The following GFPT1 variants were observed in gnomAD, a reference collection of about 807,000 sequenced individuals.
GFPT1 encodes glutamine--fructose-6-phosphate aminotransferase [isomerizing] 1.
GFPT1 carries 40 observed loss-of-function variants against 92.0 expected under a neutral mutation model. The observed-to-expected ratio is 0.43, with a 90% CI of 0.34 to 0.57. GFPT1 has a LOEUF of 0.57. Among genes scored for constraint, GFPT1 ranks in the 20% least tolerant of loss-of-function variants. GFPT1 has a pLI of 0.02. For missense variants in GFPT1, 448 were observed against 869.1 expected (o/e 0.52, Z 6.09); for synonymous variants, 269 against 280.6 (o/e 0.96, Z 0.41).
chr2:69,330,491 CTGGAT>C (rs1214638988), intron 15 of GFPT1, among the ~76,000 whole-genome samples: 4 of 148,972 alleles, frequency 2.7e-5, no homozygotes, highest in Non-Finnish European at 5.9e-5. Flanking sequence ...ACTGGTATTG[CTGGAT>C]TTTTTTTTTT....
At chr2:69,344,764 C>G (rs1332462888) in intron 12 of GFPT1, among the ~76,000 whole-genome samples, 2 of 151,794 alleles carry the variant, frequency 1.3e-5, no homozygotes, top group Non-Finnish European at 2.9e-5. Context: ...CCACCTCAGG[C>G]TCTTCAGTAG....
chr2:69,326,043 T>C lies in GFPT1; in HGVS notation c.*146A>G. On this transcript the variant is annotated 3_prime_UTR_variant, in exon 20 of 20. Transcript: ENST00000357308. ...AGGTAACTTCACAAAAATCACATAT[T>C]GAGTGGAATAATTATAACTGATATA... 2 of 607,532 alleles carry C rather than the reference T, an allele frequency of 3.3e-6. No individual in the cohort carries two copies. Among genetic ancestry groups the C allele is most frequent in the South Asian group, 4.2e-5 (2 of 47,842 alleles). 37.6% of individuals were successfully genotyped at this position (607,532 alleles called of 1,614,324 possible). A position where few individuals can be genotyped will look rare whatever the true frequency, so the allele number is the denominator to read the frequency against.
intron 2 of GFPT1, among the ~76,000 whole-genome samples, chr2:69,373,485 T>C (rs1671799335): frequency 2.0e-5 from 3 of 152,108 alleles, no homozygotes; most frequent in Non-Finnish European, 1.5e-5. Context: ...CTGGGCATGG[T>C]GGCACACAGC....
chr2:69,340,673 AAAC>A (rs759037059), intron 13 of GFPT1, among the ~76,000 whole-genome samples: 1 of 152,174 alleles, frequency 6.6e-6, no homozygotes, highest in Non-Finnish European at 1.5e-5. Context: ...ATGTGTCATG[AAAC>A]AACAACAAAA....
chr2:69,385,543 TA>T (rs59967199), intron 1 of GFPT1, among the ~76,000 whole-genome samples: 58,172 of 125,686 alleles, frequency 0.46, 11,664 homozygotes, highest in African/African-American at 0.57. Flanking sequence ...TTTATTTATT[TA>T]TTTTTTTTTC....
rs77687274 is a variant in GFPT1 at position 69,342,316 on chromosome 2, G to T, written c.1106-67C>A. On this transcript the variant is annotated intron_variant, in intron 12 of 19. Transcript: ENST00000357308. Reference sequence around the variant, plus strand: ...CATGTGAACTAGGCAATCGCATTTTGTGAGTATCCACTGCCAATATGAGGA... The same window carrying T: ...CATGTGAACTAGGCAATCGCATTTTTTGAGTATCCACTGCCAATATGAGGA... 4.2e-4 allele frequency: 395 copies of T among 931,340 alleles called. 5 individuals carry two copies. In the East Asian group the frequency reaches 9.3e-3, roughly 22 times the overall value. 57.7% of individuals were successfully genotyped at this position (931,340 alleles called of 1,614,324 possible).
intron 1 of GFPT1, among the ~76,000 whole-genome samples, chr2:69,378,679 A>T (rs1671938242): frequency 6.6e-6 from 1 of 152,224 alleles, no homozygotes; most frequent in Non-Finnish European, 1.5e-5. Context: ...GTTAAACCTT[A>T]CTGAAAAGAA....
chr2:69,378,301 C>T (rs1389205715), intron 1 of GFPT1, among the ~76,000 whole-genome samples: 3 of 152,156 alleles, frequency 2.0e-5, no homozygotes, highest in African/African-American at 7.2e-5. Flanking sequence ...CCACTGCACC[C>T]GGCCTAAACT....
chr2:69,328,454 C>A lies in GFPT1; in HGVS notation c.1726-16G>T, dbSNP rs745364459. The A allele has an allele frequency of 6.3e-7, 1 of 1,590,988 alleles. No individual in the cohort carries two copies. Among genetic ancestry groups the A allele is most frequent in the Non-Finnish European group, 8.6e-7 (1 of 1,159,208 alleles). ...CTTTGATTTTCTAATAGGAAAGAAC[C>A]AGATTTGTCTTCAATCCACTTTTCA... On this transcript the variant is annotated splice_polypyrimidine_tract_variant and intron_variant, in intron 17 of 19. Transcript: ENST00000357308.
At chr2:69,338,142 T>C (rs1670846999) in intron 14 of GFPT1, 87 bp from the exon 15 acceptor site, 9 of 1,125,258 alleles carry the variant, frequency 8.0e-6, no homozygotes, top group Non-Finnish European at 1.2e-5. Context: ...GACCACACTT[T>C]CAACAATATT....
intron 7 of GFPT1, among the ~76,000 whole-genome samples, chr2:69,356,139 A>G (rs559489947): frequency 6.6e-6 from 1 of 152,082 alleles, no homozygotes; most frequent in Admixed American, 6.6e-5. Context: ...GATTACAGGC[A>G]TGTGCTACCA....
chr2:69,386,989 G>T, intron 1 of GFPT1, 76 bp downstream of exon 1: 1 of 1,156,040 alleles, frequency 8.7e-7, no homozygotes, highest in Non-Finnish European at 1.2e-6. Context: ...TCCGCCCGTC[G>T]CCTTGGGCCT....
chr2:69,387,090 C>A lies in GFPT1; in HGVS notation c.-19G>T. On this transcript the variant is annotated 5_prime_UTR_variant, in exon 1 of 20. Coordinates refer to ENST00000357308, the MANE Select transcript of GFPT1 (RefSeq NM_001244710.2). ...CACACATGATGCCGGAGACACGGCCCGCGAGGCCAGGGGCGAGTGGCTGGC... is the reference window on the plus strand; with the variant it reads ...CACACATGATGCCGGAGACACGGCCAGCGAGGCCAGGGGCGAGTGGCTGGC... 1.3e-6 allele frequency: 2 copies of A among 1,536,462 alleles called. No individual in the cohort carries two copies. The highest frequency in any genetic ancestry group is 2.5e-5 in the East Asian group (1 of 40,776).
chr2:69,368,444 T>C (rs1671662556), intron 3 of GFPT1, among the ~76,000 whole-genome samples: 1 of 151,926 alleles, frequency 6.6e-6, no homozygotes, highest in Admixed American at 6.6e-5. Flanking sequence ...AACAAACCAG[T>C]TGGCCAGGCT....
chr2:69,332,004 T>A (rs1430253087), intron 15 of GFPT1, among the ~76,000 whole-genome samples: 1 of 152,196 alleles, frequency 6.6e-6, no homozygotes, highest in Non-Finnish European at 1.5e-5. Context: ...CTCTTCCACA[T>A]CCTACATAAA....
chr2:69,364,689 C>T (rs1671565295), intron 3 of GFPT1, among the ~76,000 whole-genome samples: 1 of 152,140 alleles, frequency 6.6e-6, no homozygotes, highest in South Asian at 2.1e-4. Context: ...GGCCAATGTT[C>T]CTTTATCTTG....
chr2:69,375,318 C>T (rs951567924), intron 1 of GFPT1, among the ~76,000 whole-genome samples: 2 of 152,268 alleles, frequency 1.3e-5, no homozygotes, highest in Middle Eastern at 3.4e-3. Context: ...TAAATTAATT[C>T]TGTGAGATAG....
chr2:69,350,289 A>C lies in GFPT1; in HGVS notation c.740-106T>G, dbSNP rs1671174107. The C allele has an allele frequency of 3.6e-5, 28 of 787,606 alleles. 1 individual carries two copies. The South Asian group carries it at 4.1e-4, about 12-fold the overall frequency. 48.8% of individuals were successfully genotyped at this position (787,606 alleles called of 1,614,324 possible). A position where few individuals can be genotyped will look rare whatever the true frequency, so the allele number is the denominator to read the frequency against. ...ATCAAGAAAAAATCATAGCAACACA[A>C]AACAATTTTAGCAAATTTAAAAAGC... On this transcript the variant is annotated intron_variant, in intron 9 of 19. Coordinates refer to ENST00000357308, the MANE Select transcript of GFPT1 (RefSeq NM_001244710.2).
At chr2:69,374,348 C>T (rs1671822454) in intron 1 of GFPT1, among the ~76,000 whole-genome samples, 1 of 149,072 alleles carries the variant, frequency 6.7e-6, no homozygotes, top group Non-Finnish European at 1.5e-5. Flanking sequence ...GAGTCTCACT[C>T]TGTCACGCAG....
Sources: gnomAD v4.1 joint callset for allele counts (sites outside exome capture counted in the v4.1 genomes callset) on GRCh38, gnomAD v4.1.1 for gene constraint, MANE v1.5 for transcripts, NCBI Gene and HGNC (gene_info 2026-07-23, HGNC 2026-07-21) for gene names.